Variants in RALGPS1 observed in about 807,000 individuals in gnomAD.
RALGPS1 encodes the protein Ral GEF with PH domain and SH3 binding motif 1, also known as ras-specific guanine nucleotide-releasing factor RalGPS1.
A neutral mutation model predicts 78.8 loss-of-function variants in RALGPS1; 19 were observed. That is an observed-to-expected ratio of 0.24 (90% CI 0.17 to 0.35). The LOEUF is 0.35. Among genes scored for constraint, RALGPS1 ranks in the 10% least tolerant of loss-of-function variants. RALGPS1 has a pLI of 1.00. For synonymous variants in RALGPS1, 228 were observed against 256.3 expected (o/e 0.89, Z 1.06); for missense variants, 454 against 688.3 (o/e 0.66, Z 3.81).
chr9:127,183,931 T>G lies in RALGPS1; in HGVS notation c.910+9149T>G. 6.4e-7 allele frequency: 1 copy of G among 1,550,500 alleles called. No individual in the cohort carries two copies. On this transcript the variant is annotated intron_variant, in intron 11 of 18. Transcript: ENST00000259351. This position sits in a 1 kb window ranked among gnomAD's most constrained non-coding sequence, Gnocchi z 4.0. Reference sequence around the variant, plus strand: ...AAGAGGCAAGACTCAAACCCACCTCTGGCCAACACCCTGCCTGGATGTGGC... The same window carrying G: ...AAGAGGCAAGACTCAAACCCACCTCGGGCCAACACCCTGCCTGGATGTGGC...
In RALGPS1 at chr9:127,190,601, A is replaced by G. The variant is rs10987573; in HGVS notation, c.911-4490A>G. Among the ~76,000 whole-genome samples the G allele has an allele frequency of 3.8e-3, 577 of 152,324 alleles. 1 individual carries two copies. The highest frequency in any genetic ancestry group is 4.3e-3 in the Non-Finnish European group (291 of 68,034). ...TGTAGATGCAGTTTCTTCTCTTTGT[A>G]GAATTTGTTGTAAATAAACCACAGC... On this transcript the variant is annotated intron_variant, in intron 11 of 18. Transcript: ENST00000259351.
chr9:127,080,664 A>G (rs970840933), intron 8 of RALGPS1, among the ~76,000 whole-genome samples: 1 of 152,244 alleles, frequency 6.6e-6, no homozygotes, highest in African/African-American at 2.4e-5. Context: ...CGTGTTGGAT[A>G]TCGCCTGGAT....
Position 127,180,588 on chromosome 9 carries a change from C to T in RALGPS1, c.910+5806C>T, listed in dbSNP as rs1291433866. On this transcript the variant is annotated intron_variant, in intron 11 of 18. Transcript: ENST00000259351. ...TCTGGGGAAGTCCCCTTAGTCCAGC[C>T]CCTGGCATACACTTACCTCTTGAGA... 2.0e-5 allele frequency among the ~76,000 whole-genome samples: 3 copies of T among 152,336 alleles called. No homozygotes were observed. In the East Asian group the frequency reaches 5.8e-4, roughly 29 times the overall value.
chr9:127,082,455 G>A (rs2051273819), intron 8 of RALGPS1, among the ~76,000 whole-genome samples: 1 of 150,508 alleles, frequency 6.6e-6, no homozygotes, highest in African/African-American at 2.4e-5. Context: ...TGCTGCATAG[G>A]CAGGCTGGCT....
chr9:127,093,788 A>G, intron 8 of RALGPS1: 1 of 1,613,980 alleles, frequency 6.2e-7, no homozygotes, highest in Non-Finnish European at 8.5e-7. Context: ...GCGTCTCTGG[A>G]TGACGGTCCA....
At chr9:126,978,518 A>C (rs924993049) in intron 4 of RALGPS1, among the ~76,000 whole-genome samples, 2 of 151,696 alleles carry the variant, frequency 1.3e-5, no homozygotes, top group Admixed American at 1.3e-4. Context: ...CTGAGGCAGG[A>C]GAATTGCTTG....
At chr9:126,964,763 T>TA (rs2039296968) in intron 2 of RALGPS1, among the ~76,000 whole-genome samples, 1 of 152,240 alleles carries the variant, frequency 6.6e-6, no homozygotes, top group African/African-American at 2.4e-5. Flanking sequence ...TTTTTAACCT[T>TA]ACATTTGCAG....
In RALGPS1 at chr9:127,184,895, G is replaced by A. The variant is rs116655534; in HGVS notation, c.910+10113G>A. On this transcript the variant is annotated intron_variant, in intron 11 of 18. Coordinates refer to ENST00000259351, the MANE Select transcript of RALGPS1 (RefSeq NM_014636.3). The stretch of plus-strand genomic sequence containing the variant: ...TACTTGGAAAGTGCCCCTGTGAGCG[G>A]CAGCAGGGCTGCCAGGCTGCTTAAA... 6.1e-3 allele frequency among the ~76,000 whole-genome samples: 930 copies of A among 152,332 alleles called. 17 individuals carry two copies. The highest frequency in any genetic ancestry group is 0.021 in the African/African-American group (879 of 41,582).
chr9:126,962,625 C>G (rs990227455), intron 2 of RALGPS1, among the ~76,000 whole-genome samples: 1 of 152,232 alleles, frequency 6.6e-6, no homozygotes, highest in Non-Finnish European at 1.5e-5. Context: ...AAGAAGGGAT[C>G]AGACCTTTCC....
intron 3 of RALGPS1, among the ~76,000 whole-genome samples, chr9:126,971,117 TGAA>T (rs1208826058): frequency 6.6e-6 from 1 of 151,852 alleles, no homozygotes; most frequent in East Asian, 1.9e-4. Context: ...TGAAAATAAA[TGAA>T]GAAAGAATAA....
At position 127,211,640 on chromosome 9, in the gene RALGPS1, G is replaced by A. The variant is rs571788362; in HGVS notation, c.1248-491G>A. Among the ~76,000 whole-genome samples, 2 of 152,046 alleles carry A rather than the reference G, an allele frequency of 1.3e-5. No individual in the cohort carries two copies. The highest frequency in any genetic ancestry group is 1.9e-4 in the East Asian group (1 of 5,174). ...AAGGGAGAGGGTGAGTGAAGAGCCC[G>A]GGAAAGATGTGGGGAATGGTGCGTG... is the stretch of plus-strand genomic sequence containing the variant. On this transcript the variant is annotated intron_variant, in intron 14 of 18. Coordinates refer to ENST00000259351, the MANE Select transcript of RALGPS1 (RefSeq NM_014636.3). The surrounding 1 kb of genome is among the most constrained non-coding windows in gnomAD (Gnocchi z 5.0).
intron 4 of RALGPS1, among the ~76,000 whole-genome samples, chr9:126,982,596 A>ATTG (rs368999070): frequency 5.3e-5 from 8 of 151,856 alleles, no homozygotes; most frequent in Admixed American, 3.3e-4. Context: ...TATTATTACT[A>ATTG]TTGTTGTTGT....
chr9:127,073,381 C>G (rs1180408051), intron 8 of RALGPS1, among the ~76,000 whole-genome samples: 1 of 151,954 alleles, frequency 6.6e-6, no homozygotes, highest in Non-Finnish European at 1.5e-5. Flanking sequence ...ATAGTGACCT[C>G]CAGCTGCATC....
intron 14 of RALGPS1, among the ~76,000 whole-genome samples, chr9:127,209,897 T>C (rs190526731): frequency 6.6e-6 from 1 of 152,204 alleles, no homozygotes; most frequent in South Asian, 2.1e-4. Flanking sequence ...TTAAGTTGAT[T>C]ACATTGTTGT....
chr9:127,048,042 T>C (rs1403083984), intron 5 of RALGPS1, among the ~76,000 whole-genome samples: 3 of 152,116 alleles, frequency 2.0e-5, no homozygotes, highest in Non-Finnish European at 4.4e-5. Flanking sequence ...CTAATGGGTG[T>C]CTCTATCCTT....
chr9:127,007,876 T>G (rs2043985713), intron 4 of RALGPS1, among the ~76,000 whole-genome samples: 1 of 152,142 alleles, frequency 6.6e-6, no homozygotes, highest in Admixed American at 6.5e-5. Flanking sequence ...TAGATTTGCA[T>G]GGCTTACAAG....
At chr9:127,034,594 G>T in intron 5 of RALGPS1, 80 bp downstream of exon 5, 1 of 1,288,872 alleles carries the variant, frequency 7.8e-7, no homozygotes, top group African/African-American at 1.5e-5. Flanking sequence ...CCCACCCAAA[G>T]CTGTCTCCCA....
At chr9:127,185,437 G>A (rs1397865706) in intron 11 of RALGPS1, among the ~76,000 whole-genome samples, 2 of 152,186 alleles carry the variant, frequency 1.3e-5, no homozygotes, top group Non-Finnish European at 2.9e-5. Context: ...CCGTGCTCAG[G>A]GCTGTCCCGT....
At chr9:127,172,359 T>C (rs548074117) in intron 10 of RALGPS1, among the ~76,000 whole-genome samples, 1 of 152,308 alleles carries the variant, frequency 6.6e-6, no homozygotes, top group South Asian at 2.1e-4. Flanking sequence ...CCTGTCTGCC[T>C]GGTAGGTGAA....
Sources: gnomAD v4.1 joint callset for allele counts (sites outside exome capture counted in the v4.1 genomes callset) on GRCh38, gnomAD v4.1.1 for gene constraint, Gnocchi (gnomAD v3.1) non-coding constraint, MANE v1.5 for transcripts, NCBI Gene and HGNC (gene_info 2026-07-23, HGNC 2026-07-21) for gene names.